The following COL3A1 variants were observed in gnomAD, a reference collection of about 807,000 sequenced individuals.
COL3A1 encodes collagen alpha-1(III) chain.
Under a neutral mutation model 200.9 loss-of-function variants are expected in COL3A1, and 46 were observed. The ratio of observed to expected loss-of-function variants is 0.23; its 90% CI spans 0.18 to 0.29. The LOEUF (loss-of-function observed/expected upper bound fraction) is 0.29, where lower values mean the gene tolerates loss of function less well. Ranked by LOEUF, COL3A1 falls within the 10% of genes least tolerant of loss-of-function variation. COL3A1 has a pLI of 1.00. For missense variants in COL3A1, 1,367 were observed against 1,917.6 expected (o/e 0.71, Z 5.36); for synonymous variants, 650 against 628.0 (o/e 1.03, Z -0.52).
In COL3A1 at chr2:188,994,654, TA is replaced by T; in HGVS notation, c.1347+63del. 3.1e-6 allele frequency: 5 copies of T among 1,609,872 alleles called. No individual in the cohort carries two copies. Among genetic ancestry groups the T allele is most frequent in the Admixed American group, 1.7e-5 (1 of 59,962 alleles). Reference sequence around the variant, plus strand: ...GAAAAAATGCAACATAATTAGAAAGTAAACAGGTAAAAACTTTGAACTAAAT... The same window carrying T: ...GAAAAAATGCAACATAATTAGAAAGTAACAGGTAAAAACTTTGAACTAAAT... On this transcript the variant is annotated intron_variant, in intron 19 of 50. Coordinates refer to ENST00000304636, the MANE Select transcript of COL3A1 (RefSeq NM_000090.4). The surrounding 1 kb of genome is among the most constrained non-coding windows in gnomAD (Gnocchi z 4.5).
At chr2:189,008,229 TA>T in intron 47 of COL3A1, 87 bp downstream of exon 47, 1 of 1,160,984 alleles carries the variant, frequency 8.6e-7, no homozygotes, top group Non-Finnish European at 1.3e-6. Context: ...TAAATTGAAA[TA>T]GAGAGACGCA....
intron 1 of COL3A1, among the ~76,000 whole-genome samples, chr2:188,983,849 A>C (rs1688007521): frequency 6.6e-6 from 1 of 151,966 alleles, no homozygotes; most frequent in Admixed American, 6.6e-5. Context: ...TCAAGAACTA[A>C]AGTTGTATTT....
intron 1 of COL3A1, 58 bp from the exon 2 acceptor site, chr2:188,984,702 A>C (rs1576460646): frequency 6.6e-7 from 1 of 1,524,604 alleles, no homozygotes; most frequent in African/African-American, 1.4e-5. Flanking sequence ...ACAGAGTAAC[A>C]AAAATCACCT....
At chr2:188,975,005 A>T (rs1427592506) in intron 1 of COL3A1, among the ~76,000 whole-genome samples, 1 of 152,198 alleles carries the variant, frequency 6.6e-6, no homozygotes, top group Non-Finnish European at 1.5e-5. Flanking sequence ...AATGCCTTTC[A>T]AATATCATGG....
intron 1 of COL3A1, chr2:188,978,165 G>C: frequency 4.6e-6 from 1 of 218,874 alleles, no homozygotes; most frequent in South Asian, 5.2e-5. Context: ...ATATAAAAAG[G>C]TATTTTTATT....
At chr2:189,006,297 A>G in intron 42 of COL3A1, 38 bp downstream of exon 42, 2 of 1,613,486 alleles carry the variant, frequency 1.2e-6, no homozygotes, top group Non-Finnish European at 1.7e-6. Flanking sequence ...TGTGTTATCA[A>G]AATAAGTGAT....
In COL3A1 at chr2:188,994,260, T is replaced by C; in HGVS notation, c.1221T>C (p.Pro407=). The C allele has an allele frequency of 6.2e-7, 1 of 1,613,934 alleles. No homozygotes were observed. The highest frequency in any genetic ancestry group is 8.5e-7 in the Non-Finnish European group (1 of 1,179,928). The part of the protein sequence containing the change: ...EMGPAGIPGA[P]GLMGARGPPG... ...GTCCCGCTGGCATTCCTGGAGCTCC[T>C]GGACTGATGGGAGCCCGGGGTCCTC... Residue 407 remains proline, a synonymous_variant, in exon 18 of 51, where the codon CCT becomes CCC. Coordinates refer to ENST00000304636, the MANE Select transcript of COL3A1 (RefSeq NM_000090.4). The surrounding 1 kb of genome is among the most constrained non-coding windows in gnomAD (Gnocchi z 4.5).
rs1687842226 is a variant in COL3A1 at position 188,977,323 on chromosome 2, T to C, written c.79+2755T>C. On this transcript the variant is annotated intron_variant, in intron 1 of 50. Transcript: ENST00000304636. Reference sequence around the variant, plus strand: ...TTTCTATATTTTGCTACAGTGATAATTCCAGTAAAATAAACTGTAGGCCTC... The same window carrying C: ...TTTCTATATTTTGCTACAGTGATAACTCCAGTAAAATAAACTGTAGGCCTC... Among the ~76,000 whole-genome samples, 3 of 152,122 alleles carry C rather than the reference T, an allele frequency of 2.0e-5. No individual in the cohort carries two copies. In the South Asian group the frequency reaches 6.2e-4, roughly 31 times the overall value.
chr2:188,999,543 G>T lies in COL3A1; in HGVS notation c.2195G>T (p.Gly732Val). Residue 732 changes from glycine (G) to valine (V), a missense_variant, in exon 31 of 51, where the codon GGA becomes GTA. Gly to Val is a moderately radical substitution (Grantham distance 109). Coordinates refer to ENST00000304636, the MANE Select transcript of COL3A1 (RefSeq NM_000090.4). ...CTGCAAGGAATGCCTGGAGAAAGAG[G>T]AGGTCTTGGAAGTCCTGGTCCAAAG... is the stretch of plus-strand genomic sequence containing the variant. ...PGLQGMPGERGGLGSPGPKGD... is the reference protein window; with the variant it reads ...PGLQGMPGERVGLGSPGPKGD... 1 of 1,613,890 alleles carries T rather than the reference G, an allele frequency of 6.2e-7. No individual in the cohort carries two copies.
intron 36 of COL3A1, 129 bp from the exon 37 acceptor site, chr2:189,003,282 A>G (rs1688510472): frequency 2.4e-6 from 2 of 822,224 alleles, no homozygotes; most frequent in African/African-American, 3.4e-5. Flanking sequence ...CCAAGTATGA[A>G]TCTCAGCACC....
rs189723276 is a variant in COL3A1 at position 188,985,101 on chromosome 2, G to A, written c.283-96G>A. 1,379 of 1,437,970 alleles carry A rather than the reference G, an allele frequency of 9.6e-4. 22 individuals are homozygous for A. The South Asian group carries it at 0.015, about 15-fold the overall frequency. 89.1% of individuals were successfully genotyped at this position (1,437,970 alleles called of 1,614,324 possible). On this transcript the variant is annotated intron_variant, in intron 2 of 50. Coordinates refer to ENST00000304636, the MANE Select transcript of COL3A1 (RefSeq NM_000090.4). ...TTTGTATTACGAGTAAAAAGTGACC[G>A]TTTCAATTTAAAGATAAGGATTGGT... is the stretch of plus-strand genomic sequence containing the variant.
At chr2:189,006,081 T>C (rs2153503694) in intron 41 of COL3A1, 125 bp from the exon 42 acceptor site, 1 of 922,208 alleles carries the variant, frequency 1.1e-6, no homozygotes, top group East Asian at 2.6e-5. Context: ...ATATCTAAGA[T>C]TTCTTACCCC....
intron 25 of COL3A1, 42 bp from the exon 26 acceptor site, chr2:188,997,294 A>T (rs372176342): frequency 1.7e-4 from 271 of 1,612,612 alleles, no homozygotes; most frequent in Non-Finnish European, 2.1e-4. Flanking sequence ...TTCTCTCTGT[A>T]ATCTGTATTA....
At chr2:188,993,147 T>A (rs914377728) in intron 15 of COL3A1, among the ~76,000 whole-genome samples, 3 of 152,170 alleles carry the variant, frequency 2.0e-5, no homozygotes, top group Non-Finnish European at 2.9e-5. Context: ...CTTCTTTTTT[T>A]CCCCAGACTC....
In COL3A1 at chr2:188,996,503, T is replaced by A; in HGVS notation, c.1761+7T>A. 6.2e-7 allele frequency: 1 copy of A among 1,609,794 alleles called. No individual in the cohort carries two copies. The highest frequency in any genetic ancestry group is 8.5e-7 in the Non-Finnish European group (1 of 1,176,404). On this transcript the variant is annotated splice_region_variant and intron_variant, in intron 24 of 50. Transcript: ENST00000304636. ...CGGTCCTAAAGGAAATGATGTGAGT[T>A]CCTTCATTAATTTCTTCAATAAATA...
At chr2:189,011,254 T>C (rs1033468090) in intron 50 of COL3A1, among the ~76,000 whole-genome samples, 6 of 152,242 alleles carry the variant, frequency 3.9e-5, no homozygotes, top group Non-Finnish European at 5.9e-5. Context: ...TCATTTGTTA[T>C]TGTTATTTGT....
At chr2:188,984,666 A>T (rs563212829) in intron 1 of COL3A1, 94 bp from the exon 2 acceptor site, 3 of 1,077,646 alleles carry the variant, frequency 2.8e-6, no homozygotes, top group East Asian at 4.7e-5. Flanking sequence ...AAACCTTTTC[A>T]ACTTTGGCTA....
chr2:188,984,565 C>T (rs1262559481), intron 1 of COL3A1, among the ~76,000 whole-genome samples, 195 bp from the exon 2 acceptor site: 1 of 151,714 alleles, frequency 6.6e-6, no homozygotes, highest in Non-Finnish European at 1.5e-5. Context: ...TGTTAACAAG[C>T]AGATATGATA....
intron 22 of COL3A1, 72 bp downstream of exon 22, chr2:188,995,862 C>A (rs2153502573): frequency 1.6e-6 from 2 of 1,281,270 alleles, no homozygotes; most frequent in Non-Finnish European, 2.2e-6. Context: ...GAAGACAGAT[C>A]AAAAGCAACT....
Sources: allele counts gnomAD v4.1 joint callset (sites outside exome capture counted in the v4.1 genomes callset), GRCh38; gene constraint gnomAD v4.1.1; non-coding constraint Gnocchi (gnomAD v3.1); transcripts MANE v1.5; gene names NCBI Gene and HGNC (gene_info 2026-07-23, HGNC 2026-07-21).